The following EPHA6 variants were observed in gnomAD, a reference collection of about 807,000 sequenced individuals.
EPHA6 encodes the protein ephrin type-A receptor 6.
In EPHA6, 50 loss-of-function variants were observed where a neutral mutation model predicts 112.0. The observed-to-expected ratio is 0.45, with a 90% CI of 0.36 to 0.56. The LOEUF is 0.56. Among genes scored for constraint, EPHA6 ranks in the 20% least tolerant of loss-of-function variants. The probability of loss-of-function intolerance (pLI) is 0.00; values close to 1 mark genes in which losing one functional copy is unlikely to be tolerated. For missense variants in EPHA6, 1,280 were observed against 1,417.4 expected, an observed-to-expected ratio of 0.90 and a Z score of 1.56; for synonymous variants, 529 against 490.7, an observed-to-expected ratio of 1.08 and a Z score of -1.03.
At chr3:97,695,817 G>T (rs1324305679) in intron 14 of EPHA6, among the ~76,000 whole-genome samples, 1 of 152,152 alleles carries the variant, frequency 6.6e-6, no homozygotes, top group African/African-American at 2.4e-5. Flanking sequence ...GGGATTACAG[G>T]CATGAGCCAT....
chr3:97,162,796 T>C (rs1288898182), intron 3 of EPHA6, among the ~76,000 whole-genome samples: 2 of 152,216 alleles, frequency 1.3e-5, no homozygotes, highest in Non-Finnish European at 2.9e-5. Context: ...TCTCTGTTTA[T>C]ATGATTCAGG....
chr3:97,220,813 A>G (rs1269613978), intron 3 of EPHA6, among the ~76,000 whole-genome samples: 1 of 152,220 alleles, frequency 6.6e-6, no homozygotes, highest in East Asian at 1.9e-4. Flanking sequence ...TGGTTTTGCA[A>G]AAAGGCTAAA....
intron 6 of EPHA6, among the ~76,000 whole-genome samples, chr3:97,428,719 T>A (rs1412980098): frequency 5.5e-5 from 8 of 144,480 alleles, no homozygotes; most frequent in Admixed American, 2.6e-4. Flanking sequence ...GGTCTCCAGC[T>A]ACCACAGCTT....
At chr3:97,478,164 T>G (rs57024024) in intron 8 of EPHA6, among the ~76,000 whole-genome samples, 24,438 of 152,090 alleles carry the variant, frequency 0.16, 2,683 homozygotes, top group African/African-American at 0.29. Context: ...ATTCACTATA[T>G]TGCAAAATTG....
At chr3:97,572,371 C>T (rs1429048069) in intron 11 of EPHA6, among the ~76,000 whole-genome samples, 2 of 151,910 alleles carry the variant, frequency 1.3e-5, no homozygotes, top group African/African-American at 4.8e-5. Flanking sequence ...AGGATCGTCT[C>T]GATCTCCTGA....
At chr3:96,904,120 G>A (rs2038779567) in intron 2 of EPHA6, among the ~76,000 whole-genome samples, 1 of 151,996 alleles carries the variant, frequency 6.6e-6, no homozygotes. Flanking sequence ...TATACCCAAA[G>A]GATTATAAAT....
At chr3:97,237,532 C>A (rs868709210) in intron 4 of EPHA6, among the ~76,000 whole-genome samples, 6 of 151,892 alleles carry the variant, frequency 4.0e-5, no homozygotes, top group Non-Finnish European at 5.9e-5. Context: ...TATTCCTGAC[C>A]TCTGCAGTTG....
At chr3:96,938,202 AT>A (rs2040714598) in intron 2 of EPHA6, among the ~76,000 whole-genome samples, 1 of 152,064 alleles carries the variant, frequency 6.6e-6, no homozygotes. Flanking sequence ...CTTGGGCAGT[AT>A]GGCCATTTTC....
chr3:97,037,850 T>C (rs183698066), intron 3 of EPHA6, among the ~76,000 whole-genome samples: 6 of 152,124 alleles, frequency 3.9e-5, no homozygotes, highest in East Asian at 1.9e-4. Flanking sequence ...TGCAGAAGCA[T>C]TGAATGTTGG....
intron 2 of EPHA6, among the ~76,000 whole-genome samples, chr3:96,978,500 C>G (rs2042622026): frequency 6.6e-6 from 1 of 152,066 alleles, no homozygotes; most frequent in Non-Finnish European, 1.5e-5. Flanking sequence ...AGATCTATAT[C>G]AATCTTGAAT....
chr3:97,514,701 C>G (rs996543692), intron 10 of EPHA6, among the ~76,000 whole-genome samples: 1 of 152,050 alleles, frequency 6.6e-6, no homozygotes, highest in African/African-American at 2.4e-5. Flanking sequence ...AACTGAGATC[C>G]TAAGGGTATG....
intron 1 of EPHA6, among the ~76,000 whole-genome samples, chr3:96,836,922 G>A (rs2034450428): frequency 6.6e-6 from 1 of 152,118 alleles, no homozygotes; most frequent in African/African-American, 2.4e-5. Context: ...CTATGAGGTA[G>A]ATACCATTAT....
chr3:97,008,079 G>A (rs1428053594), intron 3 of EPHA6, among the ~76,000 whole-genome samples: 1 of 152,092 alleles, frequency 6.6e-6, no homozygotes, highest in East Asian at 1.9e-4. Context: ...ATGATTATGT[G>A]TCTTGCAGAT....
chr3:97,509,165 G>A (rs2092318711), intron 10 of EPHA6, among the ~76,000 whole-genome samples: 1 of 151,244 alleles, frequency 6.6e-6, no homozygotes, highest in Non-Finnish European at 1.5e-5. Context: ...TCTTTTAATT[G>A]GGGCATTTAG....
intron 7 of EPHA6, among the ~76,000 whole-genome samples, chr3:97,464,088 A>T (rs1041273161): frequency 1.3e-5 from 2 of 152,158 alleles, no homozygotes; most frequent in Admixed American, 1.3e-4. Flanking sequence ...GTGTTCATTT[A>T]GGAAAATATG....
chr3:97,592,476 C>A, intron 11 of EPHA6, 136 bp from the exon 12 acceptor site: 1 of 956,876 alleles, frequency 1.0e-6, no homozygotes, highest in Non-Finnish European at 1.5e-6. Context: ...GTAAAAAATG[C>A]ATTCCATCCC....
intron 3 of EPHA6, among the ~76,000 whole-genome samples, chr3:97,148,436 C>T (rs980453907): frequency 6.6e-6 from 1 of 152,032 alleles, no homozygotes; most frequent in Non-Finnish European, 1.5e-5. Flanking sequence ...CCACTGTATT[C>T]CAGCCTGGGC....
chr3:97,120,253 T>C (rs2048004616), intron 3 of EPHA6, among the ~76,000 whole-genome samples: 1 of 151,998 alleles, frequency 6.6e-6, no homozygotes, highest in African/African-American at 2.4e-5. Flanking sequence ...CTATTTCAAA[T>C]TTATCATCTG....
chr3:96,958,729 A>G (rs1182035889), intron 2 of EPHA6, among the ~76,000 whole-genome samples: 2 of 152,190 alleles, frequency 1.3e-5, no homozygotes, highest in Admixed American at 6.5e-5. Context: ...ATCATGCAAT[A>G]TATGTGGTCT....
Sources: gnomAD v4.1 joint callset for allele counts (sites outside exome capture counted in the v4.1 genomes callset) on GRCh38, gnomAD v4.1.1 for gene constraint, MANE v1.5 for transcripts, NCBI Gene and HGNC (gene_info 2026-07-23, HGNC 2026-07-21) for gene names.